SYNE2: variants seen among roughly 807,000 people sequenced by gnomAD.
SYNE2 encodes spectrin repeat containing nuclear envelope protein 2, also known as nesprin-2.
A neutral mutation model predicts 856.3 loss-of-function variants in SYNE2; 431 were observed. The observed-to-expected ratio is 0.50, with a 90% CI of 0.47 to 0.55. The LOEUF (loss-of-function observed/expected upper bound fraction) is 0.55, where lower values mean the gene tolerates loss of function less well. SYNE2 is among the 20% of genes least tolerant of loss of function. SYNE2 has a pLI of 0.00. For synonymous variants in SYNE2, 2,923 were observed against 2,872.3 expected (o/e 1.02, Z -0.56); for missense variants, 8,129 against 8,023.2 (o/e 1.01, Z -0.50).
rs546054742 is a variant in SYNE2 at position 63,995,198 on chromosome 14, A to G, written c.2936A>G (p.His979Arg). 1.6e-4 allele frequency: 263 copies of G among 1,605,522 alleles called. 2 individuals are homozygous for G. The South Asian group carries it at 2.8e-3, about 17-fold the overall frequency. The part of the protein sequence containing the change: ...RGRTKGLIKE[H>R]EACFSEEGCL... Reference sequence around the variant, plus strand: ...AGGACCAAGGGTCTCATCAAAGAACATGAGGTACAATAAAGTGTTTCCACT... The same window carrying G: ...AGGACCAAGGGTCTCATCAAAGAACGTGAGGTACAATAAAGTGTTTCCACT... The change falls in exon 23 of 116, where the codon CAT (histidine) becomes CGT (arginine). Residue 979 changes from histidine to arginine, a missense_variant. Physicochemically the swap from His to Arg is conservative, Grantham distance 29 (BLOSUM62 0). This residue lies in a region of SYNE2 where 2,422 missense variants were observed against 2,357.4 expected (regional missense o/e 1.03). Coordinates refer to ENST00000555002, the MANE Select transcript of SYNE2 (RefSeq NM_182914.3).
intron 88 of SYNE2, 73 bp from the exon 89 acceptor site, chr14:64,163,329 T>C: frequency 6.5e-7 from 1 of 1,546,086 alleles, no homozygotes; most frequent in South Asian, 1.1e-5. Flanking sequence ...TAGATTTTGA[T>C]GGAGCAGCAG....
Position 63,853,135 on chromosome 14 carries a change from G to C in SYNE2, c.-60G>C, listed in dbSNP as rs1324017063. 6.6e-6 allele frequency: 1 copy of C among 151,442 alleles called. No homozygotes were observed. The highest frequency in any genetic ancestry group is 1.5e-5 in the Non-Finnish European group (1 of 67,824). The allele number at this position is 151,442 out of a possible 1,614,324, so 9.4% of individuals were successfully genotyped here. On this transcript the variant is annotated 5_prime_UTR_variant, in exon 1 of 116. Coordinates refer to ENST00000555002, the MANE Select transcript of SYNE2 (RefSeq NM_182914.3). ...CGGCCCGCGCCCTTGCCCCTCGGCC[G>C]GGCGGACGGTGGGTGAGCGCGGCCG...
intron 78 of SYNE2, among the ~76,000 whole-genome samples, chr14:64,135,675 A>C (rs374665377): frequency 1.1e-4 from 17 of 152,328 alleles, no homozygotes; most frequent in African/African-American, 4.1e-4. Flanking sequence ...AAAAGTGACC[A>C]TATCTGTTAA....
chr14:63,853,521 G>GGGCCCA (rs1306132783), intron 1 of SYNE2, among the ~76,000 whole-genome samples: 1 of 151,594 alleles, frequency 6.6e-6, no homozygotes, highest in African/African-American at 2.4e-5. Context: ...GCCCCCTCCC[G>GGGCCCA]GGCCCAGGCC....
rs368732450 is a variant in SYNE2, at chr14:64,132,292, ATGT to A, written c.14374_14376del (p.Leu4792del). 2.5e-6 allele frequency: 4 copies of A among 1,613,850 alleles called. No homozygotes were observed. The highest frequency in any genetic ancestry group is 1.7e-5 in the Admixed American group (1 of 60,016). ...TTTTTTCCAGAAGCTTGTTGCTGAC[ATGT>A]TGTTGATCCAAGCATACTCTGCCAA... On this transcript the variant is annotated inframe_deletion, in exon 77 of 116. Coordinates refer to ENST00000555002, the MANE Select transcript of SYNE2 (RefSeq NM_182914.3).
chr14:63,894,923 C>T (rs1038256028), intron 1 of SYNE2, among the ~76,000 whole-genome samples: 1 of 152,062 alleles, frequency 6.6e-6, no homozygotes, highest in Admixed American at 6.5e-5. Flanking sequence ...ATAAATCTGG[C>T]AGAAATGATA....
At chr14:64,133,805 T>G (rs888236040) in intron 77 of SYNE2, among the ~76,000 whole-genome samples, 1 of 152,230 alleles carries the variant, frequency 6.6e-6, no homozygotes, top group Non-Finnish European at 1.5e-5. Flanking sequence ...TTTAGTCATG[T>G]TACCCAGTTT....
At chr14:64,027,037 CA>C (rs2096986038) in intron 42 of SYNE2, among the ~76,000 whole-genome samples, 1 of 152,152 alleles carries the variant, frequency 6.6e-6, no homozygotes. Flanking sequence ...TAATTCATAT[CA>C]TGTCTACAAT....
rs55906748 is a variant in SYNE2, at chr14:63,944,824, C to CTTTTTTTTTTT, written c.408+2696_408+2706dup. Among the ~76,000 whole-genome samples, 13 of 46,948 alleles carry CTTTTTTTTTTT rather than the reference C, an allele frequency of 2.8e-4. 2 individuals carry two copies. The highest frequency in any genetic ancestry group is 7.2e-4 in the African/African-American group (7 of 9,788). 30.8% of individuals were successfully genotyped at this position (46,948 alleles called of 152,430 possible). A position where few individuals can be genotyped will look rare whatever the true frequency, so the allele number is the denominator to read the frequency against. On this transcript the variant is annotated intron_variant, in intron 6 of 115. Coordinates refer to ENST00000555002, the MANE Select transcript of SYNE2 (RefSeq NM_182914.3). Reference sequence around the variant, plus strand: ...GTGAGCCACCGTGCTGGGCTTAAAGCTTTTTTTTTTTTTTTTTTTTTTTTT... The same window carrying CTTTTTTTTTTT: ...GTGAGCCACCGTGCTGGGCTTAAAGCTTTTTTTTTTTTTTTTTTTTTTTTTTTTTTTTTTTT...
intron 7 of SYNE2, among the ~76,000 whole-genome samples, chr14:63,952,783 T>G (rs933081165): frequency 2.0e-5 from 3 of 152,262 alleles, no homozygotes; most frequent in Non-Finnish European, 4.4e-5. Flanking sequence ...AAGCTTTTTT[T>G]CCCGTAAGTA....
chr14:63,850,465 C>T (rs115126333), upstream of SYNE2, among the ~76,000 whole-genome samples: 498 of 152,018 alleles, frequency 3.3e-3, 3 homozygotes, highest in African/African-American at 0.011. Context: ...TTCATGGCAA[C>T]CCTTACTGTT....
At chr14:63,814,664 A>T (rs1240259653) in intron 1 of SYNE2, among the ~76,000 whole-genome samples, 1 of 52,272 alleles carries the variant, frequency 1.9e-5, no homozygotes, top group South Asian at 8.8e-4. Flanking sequence ...ATCCTTATAT[A>T]TATCCATATA....
At chr14:64,168,393 A>C (rs1213755615) in intron 92 of SYNE2, among the ~76,000 whole-genome samples, 2 of 152,126 alleles carry the variant, frequency 1.3e-5, no homozygotes, top group East Asian at 3.9e-4. Flanking sequence ...GACACATTTC[A>C]AAAGTGTGCA....
chr14:64,062,927 G>A (rs1421573907), intron 50 of SYNE2, 32 bp downstream of exon 50: 14 of 1,613,928 alleles, frequency 8.7e-6, no homozygotes, highest in Non-Finnish European at 8.5e-7. Flanking sequence ...CAGTAAGTCT[G>A]TGTGCAAAAA....
chr14:64,203,397 AG>A (rs2098587453), intron 100 of SYNE2, among the ~76,000 whole-genome samples: 1 of 152,230 alleles, frequency 6.6e-6, no homozygotes, highest in Non-Finnish European at 1.5e-5. Flanking sequence ...AGGTGTGATA[AG>A]GAACATGCTT....
Position 63,949,892 on chromosome 14 carries a change from T to C in SYNE2, c.476T>C (p.Val159Ala). 2 of 1,614,186 alleles carry C rather than the reference T, an allele frequency of 1.2e-6. No individual in the cohort carries two copies. Among genetic ancestry groups the C allele is most frequent in the South Asian group, 1.1e-5 (1 of 91,086 alleles). ...NQPSLDDVSV[V>A]DSSPASSPPA... ...CCTTCCCTGGATGATGTGAGTGTGG[T>C]TGACTCATCTCCTGCCTCAAGTCCT... is the stretch of plus-strand genomic sequence containing the variant. Residue 159 changes from valine to alanine, a missense_variant, in exon 7 of 116, where the codon GTT (valine) becomes GCT (alanine). Physicochemically the swap from Val to Ala is moderately conservative, Grantham distance 64 (BLOSUM62 0). This residue lies in a region of SYNE2 where 2,422 missense variants were observed against 2,357.4 expected (regional missense o/e 1.03). Coordinates refer to ENST00000555002, the MANE Select transcript of SYNE2 (RefSeq NM_182914.3).
intron 53 of SYNE2, among the ~76,000 whole-genome samples, chr14:64,074,715 G>C (rs2153604479): frequency 6.6e-6 from 1 of 152,234 alleles, no homozygotes; most frequent in East Asian, 1.9e-4. Flanking sequence ...GGCCAACATG[G>C]GGAAACTCCG....
chr14:64,108,737 C>T (rs1279727050), intron 65 of SYNE2, among the ~76,000 whole-genome samples: 1 of 146,114 alleles, frequency 6.8e-6, no homozygotes, highest in East Asian at 1.9e-4. Flanking sequence ...TCTTTCTTTC[C>T]CTCCCTTTCA....
intron 1 of SYNE2, among the ~76,000 whole-genome samples, chr14:63,839,260 A>C (rs1416469709): frequency 1.3e-5 from 2 of 151,674 alleles, no homozygotes; most frequent in East Asian, 2.0e-4. Flanking sequence ...CCATCTCCTG[A>C]CCTCGTGATC....
Sources: allele counts gnomAD v4.1 joint callset (sites outside exome capture counted in the v4.1 genomes callset), GRCh38; gene constraint gnomAD v4.1.1; regional missense constraint gnomAD v4.1.1; transcripts MANE v1.5; gene names NCBI Gene and HGNC (gene_info 2026-07-23, HGNC 2026-07-21).